Variants in PTPRJ observed in about 807,000 individuals in gnomAD.
The protein encoded by PTPRJ is receptor-type tyrosine-protein phosphatase eta.
PTPRJ carries 129 observed loss-of-function variants against 141.3 expected under a neutral mutation model. The ratio of observed to expected loss-of-function variants is 0.91; its 90% CI spans 0.79 to 1.06. The LOEUF (loss-of-function observed/expected upper bound fraction) is 1.06. Among genes scored for constraint, PTPRJ ranks in the 50% least tolerant of loss-of-function variants. The pLI, the probability that PTPRJ is intolerant of heterozygous loss-of-function variation, is 0.00. For missense variants in PTPRJ, 1,601 were observed against 1,679.7 expected, an observed-to-expected ratio of 0.95 and a Z score of 0.82; for synonymous variants, 610 against 640.5, an observed-to-expected ratio of 0.95 and a Z score of 0.72.
At chr11:48,017,285 G>A (rs1854976577) in intron 1 of PTPRJ, among the ~76,000 whole-genome samples, 2 of 152,134 alleles carry the variant, frequency 1.3e-5, no homozygotes, top group Admixed American at 1.3e-4. Context: ...CCATCTGGGG[G>A]CAGGAAGTTG....
In PTPRJ at chr11:48,110,063, G is replaced by C; in HGVS notation, c.102G>C (p.Leu34=). The C allele has an allele frequency of 6.2e-7, 1 of 1,613,878 alleles. No homozygotes were observed. Among genetic ancestry groups the C allele is most frequent in the Non-Finnish European group, 8.5e-7 (1 of 1,179,890 alleles). The change falls in exon 2 of 25, where the codon CTG becomes CTC. Residue 34 remains leucine, a synonymous_variant. Coordinates refer to ENST00000418331, the MANE Select transcript of PTPRJ (RefSeq NM_002843.4). The stretch of plus-strand genomic sequence containing the variant: ...GTTTTCTTTTTCTGTTTCAGATCCT[G>C]TGCGCAGGTGGCAGTGAGTACCCTT... ...LLLLLRLGQI[L]CAGGTPSPIP... is the part of the protein sequence containing the mutation.
At chr11:48,009,571 G>T (rs1379404553) in intron 1 of PTPRJ, among the ~76,000 whole-genome samples, 1 of 152,182 alleles carries the variant, frequency 6.6e-6, no homozygotes, top group African/African-American at 2.4e-5. Context: ...ACTCCAGCCT[G>T]GGCAATAGAG....
chr11:48,040,131 A>G (rs1355399979), intron 1 of PTPRJ, among the ~76,000 whole-genome samples: 1 of 152,096 alleles, frequency 6.6e-6, no homozygotes, highest in African/African-American at 2.4e-5. Flanking sequence ...CCTGTCCCCG[A>G]GCGTCTCTGA....
intron 1 of PTPRJ, among the ~76,000 whole-genome samples, chr11:48,058,882 C>G (rs1854833026): frequency 6.6e-6 from 1 of 152,216 alleles, no homozygotes; most frequent in Admixed American, 6.5e-5. Context: ...TCCCTGGCCT[C>G]TTCATTTTGT....
At chr11:48,123,330 C>T (rs1213595029) in intron 4 of PTPRJ, among the ~76,000 whole-genome samples, 1 of 152,154 alleles carries the variant, frequency 6.6e-6, no homozygotes, top group Non-Finnish European at 1.5e-5. Flanking sequence ...TGGGGTTAAT[C>T]TTGGAGAACA....
intron 1 of PTPRJ, among the ~76,000 whole-genome samples, chr11:48,029,056 G>T (rs1853906290): frequency 6.6e-6 from 1 of 152,196 alleles, no homozygotes; most frequent in Admixed American, 6.5e-5. Flanking sequence ...GTGGTTTTGA[G>T]CACAACATTG....
intron 1 of PTPRJ, among the ~76,000 whole-genome samples, chr11:47,983,964 G>C (rs1853979566): frequency 6.6e-6 from 1 of 152,146 alleles, no homozygotes; most frequent in African/African-American, 2.4e-5. Flanking sequence ...TCCATCCAGA[G>C]TACAAAGTAT....
At position 47,980,971 on chromosome 11, in the gene PTPRJ, C is replaced by G; in HGVS notation, c.59C>G (p.Ala20Gly). The G allele has an allele frequency of 8.4e-7, 1 of 1,188,364 alleles. No homozygotes were observed. Among genetic ancestry groups the G allele is most frequent in the Non-Finnish European group, 1.0e-6 (1 of 961,440 alleles). The allele number at this position is 1,188,364 out of a possible 1,614,324, so 73.6% of individuals were successfully genotyped here. A position where few individuals can be genotyped will look rare whatever the true frequency, so the allele number is the denominator to read the frequency against. ...LPPRSPGLRWALPLLLLLLRL... is the reference protein window; with the variant it reads ...LPPRSPGLRWGLPLLLLLLRL... ...CCGCGCTCGCCCGGGCTGCGCTGGGCGCTGCCGCTGCTGCTGCTGCTGCTG... is the reference window on the plus strand; with the variant it reads ...CCGCGCTCGCCCGGGCTGCGCTGGGGGCTGCCGCTGCTGCTGCTGCTGCTG... The change falls in exon 1 of 25, where the codon GCG becomes GGG. Residue 20 changes from alanine to glycine, a missense_variant. Ala to Gly is a moderately conservative substitution (Grantham distance 60, BLOSUM62 0). Coordinates refer to ENST00000418331, the MANE Select transcript of PTPRJ (RefSeq NM_002843.4).
At position 48,009,979 on chromosome 11, in the gene PTPRJ, G is replaced by A. The variant is rs546870621; in HGVS notation, c.96+28971G>A. 1.1e-4 allele frequency among the ~76,000 whole-genome samples: 17 copies of A among 152,288 alleles called. No individual in the cohort carries two copies. The South Asian group carries it at 3.5e-3, about 32-fold the overall frequency. On this transcript the variant is annotated intron_variant, in intron 1 of 24. Transcript: ENST00000418331. Reference sequence around the variant, plus strand: ...TATTTGGGTTGGCATGTAGTGCAGCGTTTCTGGACATACATACTCTGGGGA... The same window carrying A: ...TATTTGGGTTGGCATGTAGTGCAGCATTTCTGGACATACATACTCTGGGGA...
chr11:48,021,912 A>G (rs1452698595), intron 1 of PTPRJ, among the ~76,000 whole-genome samples: 1 of 152,156 alleles, frequency 6.6e-6, no homozygotes, highest in Non-Finnish European at 1.5e-5. Flanking sequence ...TAAGGCAGCA[A>G]GTGATTCCTT....
intron 1 of PTPRJ, among the ~76,000 whole-genome samples, chr11:48,067,649 C>T (rs1855121121): frequency 6.6e-6 from 1 of 152,144 alleles, no homozygotes; most frequent in African/African-American, 2.4e-5. Context: ...AAAAAGAAAC[C>T]CGAACAAGCA....
rs773812215 is a variant in PTPRJ at position 48,146,941 on chromosome 11, T to G, written c.2977T>G (p.Phe993Val). Reference protein sequence around the residue: ...GALVIVTVGGFIFWRKKRKDA... With the variant: ...GALVIVTVGGVIFWRKKRKDA... ...CCTGGTTATTGTGACTGTGGGAGGCTTCATCTTCTGGAGAAAGAAGAGGTG... is the reference window on the plus strand; with the variant it reads ...CCTGGTTATTGTGACTGTGGGAGGCGTCATCTTCTGGAGAAAGAAGAGGTG... The change falls in exon 15 of 25, where the codon TTC becomes GTC. Residue 993 changes from phenylalanine (F) to valine (V), a missense_variant. Phe to Val is a conservative substitution (Grantham distance 50, BLOSUM62 -1). Transcript: ENST00000418331. The G allele has an allele frequency of 6.2e-7, 1 of 1,614,098 alleles. No homozygotes were observed. The highest frequency in any genetic ancestry group is 1.1e-5 in the South Asian group (1 of 91,070).
chr11:48,047,501 T>TC (rs201707178), intron 1 of PTPRJ, among the ~76,000 whole-genome samples: 1,176 of 109,090 alleles, frequency 0.011, 16 homozygotes, highest in African/African-American at 0.042. Context: ...TATGGTAATT[T>TC]TTTTTTTTTT....
At chr11:48,005,448 C>G (rs1854597993) in intron 1 of PTPRJ, among the ~76,000 whole-genome samples, 1 of 152,180 alleles carries the variant, frequency 6.6e-6, no homozygotes, top group South Asian at 2.1e-4. Flanking sequence ...GAATCATACA[C>G]TGTGTGTCCT....
intron 1 of PTPRJ, among the ~76,000 whole-genome samples, chr11:48,108,064 AGAGT>A (rs1404937731): frequency 1.3e-5 from 2 of 152,248 alleles, no homozygotes; most frequent in African/African-American, 4.8e-5. Flanking sequence ...AGCCTGTGAC[AGAGT>A]GAGACCTTGT....
chr11:48,017,001 C>T (rs1854968514), intron 1 of PTPRJ, among the ~76,000 whole-genome samples: 1 of 151,836 alleles, frequency 6.6e-6, no homozygotes, highest in Non-Finnish European at 1.5e-5. Flanking sequence ...CTCAAGCAAT[C>T]CTCCCACCTC....
chr11:48,044,536 A>C (rs1037998669), intron 1 of PTPRJ, among the ~76,000 whole-genome samples: 3 of 152,182 alleles, frequency 2.0e-5, no homozygotes, highest in Non-Finnish European at 2.9e-5. Flanking sequence ...TTAACTTTTC[A>C]TATGTAACAA....
At chr11:48,085,300 A>G (rs1855671849) in intron 1 of PTPRJ, among the ~76,000 whole-genome samples, 1 of 151,938 alleles carries the variant, frequency 6.6e-6, no homozygotes, top group African/African-American at 2.4e-5. Context: ...TTTCCATACA[A>G]TGTCATTTAT....
intron 1 of PTPRJ, among the ~76,000 whole-genome samples, chr11:47,996,039 C>CAA (rs750897866): frequency 3.4e-5 from 4 of 116,046 alleles, no homozygotes; most frequent in African/African-American, 1.3e-4. Flanking sequence ...ACTCCATCTC[C>CAA]AAAAAAAAAA....
Sources: gnomAD v4.1 joint callset for allele counts (sites outside exome capture counted in the v4.1 genomes callset) on GRCh38, gnomAD v4.1.1 for gene constraint, MANE v1.5 for transcripts, NCBI Gene and HGNC (gene_info 2026-07-23, HGNC 2026-07-21) for gene names.